TRHDE: variants seen among roughly 807,000 people sequenced by gnomAD.
The protein encoded by TRHDE is thyrotropin-releasing hormone-degrading ectoenzyme.
Under a neutral mutation model 125.7 loss-of-function variants are expected in TRHDE, and 72 were observed. That is an observed-to-expected ratio of 0.57 (90% confidence interval 0.47 to 0.70). The LOEUF is 0.70. Among genes scored for constraint, TRHDE ranks in the 30% least tolerant of loss-of-function variants. The probability of loss-of-function intolerance (pLI) is 0.00; values close to 1 mark genes in which losing one functional copy is unlikely to be tolerated. For missense variants in TRHDE, 1,110 were observed against 1,327.1 expected, an observed-to-expected ratio of 0.84 and a Z score of 2.54; for synonymous variants, 509 against 509.1, an observed-to-expected ratio of 1.00 and a Z score of 0.00.
chr12:72,629,424 G>A (rs746704259), intron 15 of TRHDE, among the ~76,000 whole-genome samples: 3 of 151,422 alleles, frequency 2.0e-5, no homozygotes, highest in Non-Finnish European at 3.0e-5. Flanking sequence ...AGTATTGTTT[G>A]CCTAAAATTA....
intron 7 of TRHDE, among the ~76,000 whole-genome samples, chr12:72,547,433 G>A (rs1458015568): frequency 6.6e-6 from 1 of 151,688 alleles, no homozygotes; most frequent in Non-Finnish European, 1.5e-5. Flanking sequence ...GGATGAATCA[G>A]TACCAGTAAT....
At chr12:72,561,756 C>T (rs1870187255) in intron 7 of TRHDE, among the ~76,000 whole-genome samples, 1 of 152,122 alleles carries the variant, frequency 6.6e-6, no homozygotes, top group Admixed American at 6.6e-5. Flanking sequence ...TTAACATCAG[C>T]ATATATTAGC....
intron 3 of TRHDE, among the ~76,000 whole-genome samples, chr12:72,408,162 C>T (rs187130805): frequency 1.3e-5 from 2 of 152,250 alleles, no homozygotes; most frequent in Non-Finnish European, 2.9e-5. Context: ...CTAGAGTAAC[C>T]ACTCTCAGAC....
At chr12:72,412,693 A>T (rs2135816619) in intron 3 of TRHDE, among the ~76,000 whole-genome samples, 1 of 152,274 alleles carries the variant, frequency 6.6e-6, no homozygotes, top group Admixed American at 6.5e-5. Context: ...CTACAGTCAC[A>T]TAATGAACTA....
intron 2 of TRHDE, among the ~76,000 whole-genome samples, chr12:72,323,635 T>C (rs12302831): frequency 0.27 from 40,482 of 151,956 alleles, 5,441 homozygotes; most frequent in East Asian, 0.35. Context: ...ATCCGTAGGC[T>C]GTGACTGACT....
At chr12:72,373,990 T>G (rs1227744699) in intron 2 of TRHDE, among the ~76,000 whole-genome samples, 1 of 152,114 alleles carries the variant, frequency 6.6e-6, no homozygotes, top group Non-Finnish European at 1.5e-5. Flanking sequence ...AGGTTTTGAT[T>G]ACTGTATACA....
intron 15 of TRHDE, among the ~76,000 whole-genome samples, chr12:72,624,300 T>G (rs1312947588): frequency 6.6e-6 from 1 of 152,006 alleles, no homozygotes; most frequent in East Asian, 1.9e-4. Context: ...CTTGTTTGTT[T>G]GCTTTTTATT....
chr12:72,458,774 C>T (rs1289526050), intron 3 of TRHDE, among the ~76,000 whole-genome samples: 1 of 152,098 alleles, frequency 6.6e-6, no homozygotes, highest in African/African-American at 2.4e-5. Context: ...ACCTGAAATA[C>T]ACTTCCCCTC....
intron 12 of TRHDE, among the ~76,000 whole-genome samples, chr12:72,596,895 T>C (rs1395153963): frequency 1.3e-5 from 2 of 152,144 alleles, no homozygotes; most frequent in Admixed American, 6.5e-5. Flanking sequence ...TTTGTTAAAT[T>C]TAAGTTTAAA....
chr12:72,191,174 T>C (rs1277679096), intron 2 of TRHDE, among the ~76,000 whole-genome samples: 1 of 152,198 alleles, frequency 6.6e-6, no homozygotes, highest in Non-Finnish European at 1.5e-5. Flanking sequence ...ACAAAAACCT[T>C]TATAGAATTC....
intron 3 of TRHDE, among the ~76,000 whole-genome samples, chr12:72,412,833 A>G (rs542017778): frequency 6.6e-6 from 1 of 152,234 alleles, no homozygotes; most frequent in East Asian, 1.9e-4. Flanking sequence ...ATTAAACAGC[A>G]GAACTAAATG....
intron 2 of TRHDE, among the ~76,000 whole-genome samples, chr12:72,203,587 T>C (rs1188234617): frequency 6.6e-6 from 1 of 152,226 alleles, no homozygotes; most frequent in Non-Finnish European, 1.5e-5. Flanking sequence ...GAACCTATTT[T>C]ATGTTATTTT....
intron 9 of TRHDE, among the ~76,000 whole-genome samples, chr12:72,567,706 C>T (rs1268636832): frequency 6.6e-6 from 1 of 151,888 alleles, no homozygotes; most frequent in Admixed American, 6.6e-5. Context: ...TTGTTGGCTA[C>T]CCTATTGATA....
intron 15 of TRHDE, among the ~76,000 whole-genome samples, chr12:72,648,023 C>T (rs534899188): frequency 2.6e-5 from 4 of 152,154 alleles, no homozygotes; most frequent in East Asian, 1.9e-4. Flanking sequence ...CAGCCTGAAA[C>T]CAATATTACA....
At chr12:72,595,614 T>C (rs1871905867) in intron 12 of TRHDE, among the ~76,000 whole-genome samples, 1 of 152,146 alleles carries the variant, frequency 6.6e-6, no homozygotes, top group African/African-American at 2.4e-5. Context: ...TTAATTAAAA[T>C]GTGCAGTGGT....
intron 3 of TRHDE, among the ~76,000 whole-genome samples, chr12:72,466,513 T>G (rs1160204673): frequency 6.6e-6 from 1 of 152,232 alleles, no homozygotes; most frequent in African/African-American, 2.4e-5. Context: ...ACTGTGGTCC[T>G]GTTATCTGGT....
intron 3 of TRHDE, among the ~76,000 whole-genome samples, chr12:72,461,606 C>G (rs1410273799): frequency 6.6e-6 from 1 of 151,300 alleles, no homozygotes; most frequent in Non-Finnish European, 1.5e-5. Context: ...ATGGTATAAT[C>G]AAAATACAAC....
chr12:72,653,354 CTT>C (rs1874584321), intron 17 of TRHDE, among the ~76,000 whole-genome samples, 198 bp downstream of exon 17: 1 of 152,030 alleles, frequency 6.6e-6, no homozygotes, highest in East Asian at 1.9e-4. Flanking sequence ...AATTGATAAA[CTT>C]AATTAATTAT....
At chr12:72,349,867 T>A (rs559415502) in intron 2 of TRHDE, among the ~76,000 whole-genome samples, 2 of 152,120 alleles carry the variant, frequency 1.3e-5, no homozygotes, top group South Asian at 4.1e-4. Flanking sequence ...CATCTGTAAA[T>A]TGGGAACAGA....
Sources: allele counts gnomAD v4.1 joint callset (sites outside exome capture counted in the v4.1 genomes callset), GRCh38; gene constraint gnomAD v4.1.1; transcripts MANE v1.5; gene names NCBI Gene and HGNC (gene_info 2026-07-23, HGNC 2026-07-21).